COL5A1: variants seen among roughly 807,000 people sequenced by gnomAD.
COL5A1 encodes collagen alpha-1(V) chain.
COL5A1 carries 16 observed loss-of-function variants against 263.7 expected under a neutral mutation model. The ratio of observed to expected loss-of-function variants is 0.06; its 90% CI spans 0.04 to 0.09. The LOEUF (loss-of-function observed/expected upper bound fraction) is 0.09, where lower values mean the gene tolerates loss of function less well. Among genes scored for constraint, COL5A1 ranks in the 10% least tolerant of loss-of-function variants. COL5A1 has a pLI of 1.00. For missense variants in COL5A1, 2,036 were observed against 2,540.5 expected, an observed-to-expected ratio of 0.80 and a Z score of 4.27; for synonymous variants, 1,012 against 1,004.5, an observed-to-expected ratio of 1.01 and a Z score of -0.14.
chr9:134,713,620 G>A (rs934227654), intron 4 of COL5A1, among the ~76,000 whole-genome samples: 2 of 152,218 alleles, frequency 1.3e-5, no homozygotes, highest in East Asian at 1.9e-4. Flanking sequence ...TTGTACAAGC[G>A]CAGGGCCAGG....
At chr9:134,689,677 A>G (rs1367972154) in intron 1 of COL5A1, among the ~76,000 whole-genome samples, 1 of 152,112 alleles carries the variant, frequency 6.6e-6, no homozygotes, top group Non-Finnish European at 1.5e-5. Context: ...GAGCTTCCTT[A>G]TCCTGGCTGG....
At position 134,823,162 on chromosome 9, in the gene COL5A1, C is replaced by T; in HGVS notation, c.4644+129C>T. On this transcript the variant is annotated intron_variant, in intron 60 of 65. Transcript: ENST00000371817. ...GCCCTGCTGCTCACGATCCTCCCAT[C>T]TTTCTACACTGACCCATGGCGGACT... The T allele has an allele frequency of 2.5e-6, 3 of 1,185,148 alleles. No homozygotes were observed. In the South Asian group the frequency reaches 3.8e-5, roughly 15 times the overall value. 73.4% of individuals were successfully genotyped at this position (1,185,148 alleles called of 1,614,324 possible).
In COL5A1 at chr9:134,817,813, G is replaced by C. The variant is rs1554806295; in HGVS notation, c.4212G>C (p.Gln1404His). The change falls in exon 54 of 66, where the codon CAG becomes CAC. Residue 1404 changes from glutamine (Q) to histidine (H), a missense_variant. Coordinates refer to ENST00000371817, the MANE Select transcript of COL5A1 (RefSeq NM_000093.5). ...PPGPAGPEGR[Q>H]GEKGAKGEAG... ...GCCCCGCAGGCCCCGAAGGCAGACA[G>C]GGAGAGAAAGGGGCCAAGGTAACGT... 5 of 1,610,144 alleles carry C rather than the reference G, an allele frequency of 3.1e-6. No individual in the cohort carries two copies. In the East Asian group the frequency reaches 1.1e-4, roughly 36 times the overall value.
chr9:134,761,910 C>T lies in COL5A1; in HGVS notation c.1936-15C>T, dbSNP rs755787951. 1.2e-6 allele frequency: 2 copies of T among 1,613,070 alleles called. No homozygotes were observed. The highest frequency in any genetic ancestry group is 1.1e-5 in the South Asian group (1 of 91,066). Reference sequence around the variant, plus strand: ...CTGCTCAGGAGAGGCTGACGTTGACCCTTTCACTTCCTAGGGTGACCCTGG... The same window carrying T: ...CTGCTCAGGAGAGGCTGACGTTGACTCTTTCACTTCCTAGGGTGACCCTGG... On this transcript the variant is annotated splice_polypyrimidine_tract_variant and intron_variant, in intron 18 of 65. Transcript: ENST00000371817.
chr9:134,842,933 T>C lies in COL5A1; in HGVS notation c.*630T>C, dbSNP rs1830147095. On this transcript the variant is annotated 3_prime_UTR_variant, in exon 66 of 66. Coordinates refer to ENST00000371817, the MANE Select transcript of COL5A1 (RefSeq NM_000093.5). This position sits in a 1 kb window ranked among gnomAD's most constrained non-coding sequence, Gnocchi z 5.8. ...AATGTTAAGTGTGCCTGGCTTTCAA[T>C]CATGCACGGAAACCCAGTCTCAGTC... The C allele has an allele frequency of 6.4e-6, 1 of 155,624 alleles. No individual in the cohort carries two copies. The highest frequency in any genetic ancestry group is 2.0e-4 in the South Asian group (1 of 5,010). The allele number at this position is 155,624 out of a possible 1,614,324, so 9.6% of individuals were successfully genotyped here.
chr9:134,801,158 C>T (rs1225633059), intron 37 of COL5A1, among the ~76,000 whole-genome samples: 4 of 152,356 alleles, frequency 2.6e-5, no homozygotes, highest in African/African-American at 4.8e-5. Context: ...GCAGAGCGGG[C>T]GTGAGATATT....
intron 27 of COL5A1, among the ~76,000 whole-genome samples, chr9:134,777,219 G>A (rs78844431): frequency 0.019 from 2,932 of 152,342 alleles, 86 homozygotes; most frequent in South Asian, 0.074. Flanking sequence ...GGGTTGCCAG[G>A]AGGCCCCAAA....
rs2132454644 is a variant in COL5A1 at position 134,642,166 on chromosome 9, C to T, written c.-22C>T. ...GCGCGCCTCCGAGCGCCCCTGTGCG[C>T]CCCGGCCCGCGCCCCGCCGGCATGG... On this transcript the variant is annotated 5_prime_UTR_variant, in exon 1 of 66. Transcript: ENST00000371817. The surrounding 1 kb of genome is among the most constrained non-coding windows in gnomAD (Gnocchi z 4.5). 2.4e-6 allele frequency: 3 copies of T among 1,248,032 alleles called. No homozygotes were observed. Among genetic ancestry groups the T allele is most frequent in the Non-Finnish European group, 3.0e-6 (3 of 1,001,438 alleles). The allele number at this position is 1,248,032 out of a possible 1,614,324, so 77.3% of individuals were successfully genotyped here.
Position 134,754,417 on chromosome 9 carries a change from T to C in COL5A1, c.1827+91T>C. 6.9e-7 allele frequency: 1 copy of C among 1,452,078 alleles called. No homozygotes were observed. Among genetic ancestry groups the C allele is most frequent in the Non-Finnish European group, 9.7e-7 (1 of 1,034,422 alleles). The allele number at this position is 1,452,078 out of a possible 1,614,324, so 89.9% of individuals were successfully genotyped here. A position where few individuals can be genotyped will look rare whatever the true frequency, so the allele number is the denominator to read the frequency against. ...GGTGCGGGCACCCCCAACAGCCAGC[T>C]GGGCCACATGAAGCCAGGTGGCTCC... On this transcript the variant is annotated intron_variant, in intron 16 of 65. Transcript: ENST00000371817. The surrounding 1 kb of genome is among the most constrained non-coding windows in gnomAD (Gnocchi z 4.3).
At chr9:134,756,100 A>G (rs1329715996) in intron 16 of COL5A1, among the ~76,000 whole-genome samples, 1 of 151,900 alleles carries the variant, frequency 6.6e-6, no homozygotes, top group Non-Finnish European at 1.5e-5. Flanking sequence ...TCCTGTGGTG[A>G]AGGTGGGGCC....
rs780506732 is a variant in COL5A1, at chr9:134,691,061, A to T, written c.259A>T (p.Thr87Ser). 1 of 1,613,338 alleles carries T rather than the reference A, an allele frequency of 6.2e-7. No homozygotes were observed. The highest frequency in any genetic ancestry group is 2.2e-5 in the East Asian group (1 of 44,892). ...CAAAGACGCGCAGCTCAGCGCACCC[A>T]CCAAGCAGCTGTACCCTGGTAAGTG... ...VTKDAQLSAP[T>S]KQLYPASAFP... Residue 87 changes from threonine (T) to serine (S), a missense_variant, in exon 2 of 66, where the codon ACC becomes TCC. Transcript: ENST00000371817.
At chr9:134,771,804 C>T (rs1836874358) in intron 25 of COL5A1, among the ~76,000 whole-genome samples, 2 of 152,162 alleles carry the variant, frequency 1.3e-5, no homozygotes, top group South Asian at 4.1e-4. Flanking sequence ...GAGTAGAACC[C>T]ACCCTGCCAG....
rs1025740659 is a variant in COL5A1 at position 134,742,117 on chromosome 9, G to A, written c.1494+3309G>A. ...CTGTGCCTCCACTGGCTGGCCCTGGGTGTTGCTTCCTTCACACACTCTGGT... is the reference window on the plus strand; with the variant it reads ...CTGTGCCTCCACTGGCTGGCCCTGGATGTTGCTTCCTTCACACACTCTGGT... On this transcript the variant is annotated intron_variant, in intron 11 of 65. Transcript: ENST00000371817. The surrounding 1 kb of genome is among the most constrained non-coding windows in gnomAD (Gnocchi z 4.6). Among the ~76,000 whole-genome samples the A allele has an allele frequency of 1.3e-5, 2 of 152,202 alleles. No homozygotes were observed. The highest frequency in any genetic ancestry group is 4.8e-5 in the African/African-American group (2 of 41,452).
At chr9:134,804,672 C>T (rs554298504) in intron 39 of COL5A1, among the ~76,000 whole-genome samples, 10 of 152,318 alleles carry the variant, frequency 6.6e-5, no homozygotes, top group South Asian at 2.1e-4. Context: ...TGTGCTCCCA[C>T]GTGTGGGCTG....
At chr9:134,809,008 C>T (rs1838408624) in intron 42 of COL5A1, 175 bp from the exon 43 acceptor site, 6 of 670,714 alleles carry the variant, frequency 8.9e-6, no homozygotes, top group South Asian at 3.3e-5. Context: ...GGTCCAGGGG[C>T]GGGCTCAGAG....
intron 4 of COL5A1, among the ~76,000 whole-genome samples, chr9:134,714,274 C>T (rs913402016): frequency 1.4e-5 from 2 of 147,312 alleles, no homozygotes; most frequent in South Asian, 4.4e-4. Context: ...GTGGTGGTGG[C>T]GGAGGAGGTG....
chr9:134,800,942 A>G (rs1031454853), intron 37 of COL5A1, among the ~76,000 whole-genome samples: 1 of 152,112 alleles, frequency 6.6e-6, no homozygotes, highest in Admixed American at 6.5e-5. Flanking sequence ...GTTTGCCTCG[A>G]GGCCTCCGGG....
At position 134,819,634 on chromosome 9, in the gene COL5A1, G is replaced by C. The variant is rs369202348; in HGVS notation, c.4447-482G>C. On this transcript the variant is annotated intron_variant, in intron 57 of 65. Transcript: ENST00000371817. Reference sequence around the variant, plus strand: ...GGCTGCCTTGCGAGGCTTGCCCTGGGTTCCTAGAAGACAAACATAGACAGC... The same window carrying C: ...GGCTGCCTTGCGAGGCTTGCCCTGGCTTCCTAGAAGACAAACATAGACAGC... Among the ~76,000 whole-genome samples the C allele has an allele frequency of 5.8e-4, 88 of 152,288 alleles. No individual in the cohort carries two copies. In the Middle Eastern group the frequency reaches 0.014, roughly 24 times the overall value.
At chr9:134,812,788 CTGTG>C (rs1455722782) in intron 48 of COL5A1, 76 bp downstream of exon 48, 12 of 918,592 alleles carry the variant, frequency 1.3e-5, no homozygotes, top group Admixed American at 2.2e-5. Flanking sequence ...GTGTGTGTGT[CTGTG>C]TGTATGTGTA....
Sources: allele counts gnomAD v4.1 joint callset (sites outside exome capture counted in the v4.1 genomes callset), GRCh38; gene constraint gnomAD v4.1.1; non-coding constraint Gnocchi (gnomAD v3.1); transcripts MANE v1.5; gene names NCBI Gene and HGNC (gene_info 2026-07-23, HGNC 2026-07-21).